The following PDE4D variants were observed in gnomAD, a reference collection of about 807,000 sequenced individuals.
PDE4D encodes the protein phosphodiesterase 4D.
In PDE4D, 24 loss-of-function variants were observed where a neutral mutation model predicts 87.4. The observed-to-expected ratio is 0.27, with a 90% CI of 0.20 to 0.39. The LOEUF (loss-of-function observed/expected upper bound fraction) is 0.39. Ranked by LOEUF, PDE4D falls within the 10% of genes least tolerant of loss-of-function variation. The pLI is 1.00. For synonymous variants in PDE4D, 384 were observed against 383.2 expected (o/e 1.00, Z -0.02); for missense variants, 714 against 1,041.0 (o/e 0.69, Z 4.32).
intron 3 of PDE4D, among the ~76,000 whole-genome samples, chr5:59,940,577 A>C (rs1757072629): frequency 1.3e-5 from 2 of 152,206 alleles, no homozygotes; most frequent in Admixed American, 1.3e-4. Flanking sequence ...TAGATGTTTG[A>C]TGGTATCATT....
intron 1 of PDE4D, among the ~76,000 whole-genome samples, chr5:59,702,512 C>T (rs1232373389): frequency 6.6e-6 from 1 of 152,084 alleles, no homozygotes; most frequent in African/African-American, 2.4e-5. Flanking sequence ...CGTGATCATG[C>T]AACTGCACTC....
intron 1 of PDE4D, among the ~76,000 whole-genome samples, chr5:59,442,848 G>A (rs1220583418): frequency 6.6e-6 from 1 of 152,166 alleles, no homozygotes; most frequent in Non-Finnish European, 1.5e-5. Context: ...CAAGCTAAGA[G>A]TATATCATTT....
chr5:60,241,261 C>T (rs1222243795), intron 1 of PDE4D, among the ~76,000 whole-genome samples: 5 of 139,566 alleles, frequency 3.6e-5, no homozygotes, highest in Non-Finnish European at 7.7e-5. Flanking sequence ...GAGTCTCTCT[C>T]TCTCTCTCTC....
At chr5:60,501,166 A>G (rs1750055952) in intron 1 of PDE4D, among the ~76,000 whole-genome samples, 1 of 151,900 alleles carries the variant, frequency 6.6e-6, no homozygotes, top group Admixed American at 6.6e-5. Flanking sequence ...CCACCCCACA[A>G]CAGTCCCCAG....
chr5:59,162,702 C>A (rs573731456), intron 5 of PDE4D, among the ~76,000 whole-genome samples: 1 of 150,624 alleles, frequency 6.6e-6, no homozygotes, highest in East Asian at 2.0e-4. Flanking sequence ...TAAAAATTAG[C>A]CAGGTATGGT....
intron 5 of PDE4D, among the ~76,000 whole-genome samples, chr5:59,117,809 T>A (rs1287211571): frequency 6.8e-6 from 1 of 148,086 alleles, no homozygotes; most frequent in African/African-American, 2.5e-5. Flanking sequence ...GTTTTTAACT[T>A]TTTTTTTTTT....
At chr5:59,486,982 C>A (rs796102545) in intron 1 of PDE4D, among the ~76,000 whole-genome samples, 1 of 152,156 alleles carries the variant, frequency 6.6e-6, no homozygotes, top group African/African-American at 2.4e-5. Flanking sequence ...AGTTAATAGG[C>A]CTTCTTGTTT....
chr5:59,203,175 C>A (rs1254716431), intron 2 of PDE4D, among the ~76,000 whole-genome samples: 1 of 151,970 alleles, frequency 6.6e-6, no homozygotes, highest in African/African-American at 2.4e-5. Flanking sequence ...GAGACACCTT[C>A]TCTACAAAAA....
chr5:59,320,038 CATAGATGCTAGG>C (rs1774433345), intron 1 of PDE4D, among the ~76,000 whole-genome samples: 1 of 151,606 alleles, frequency 6.6e-6, no homozygotes, highest in Admixed American at 6.6e-5. Flanking sequence ...AGTCCACAGC[CATAGATGCTAGG>C]ATAGTCTTGG....
intron 1 of PDE4D, among the ~76,000 whole-genome samples, chr5:59,269,840 T>C (rs1763492127): frequency 1.3e-5 from 2 of 152,120 alleles, no homozygotes; most frequent in Non-Finnish European, 2.9e-5. Context: ...TATTCATTTA[T>C]ATTAACTTCA....
intron 3 of PDE4D, among the ~76,000 whole-genome samples, chr5:59,973,686 G>C (rs1761019976): frequency 6.6e-6 from 1 of 152,012 alleles, no homozygotes; most frequent in Non-Finnish European, 1.5e-5. Flanking sequence ...AATTAACCTT[G>C]ACATTTCTTC....
intron 2 of PDE4D, among the ~76,000 whole-genome samples, chr5:60,157,974 AG>A (rs762035444): frequency 6.9e-6 from 1 of 144,052 alleles, no homozygotes; most frequent in Non-Finnish European, 1.5e-5. Flanking sequence ...TCTAGCATTG[AG>A]GGTATGCTTG....
At chr5:59,150,943 G>C (rs1002454217) in intron 5 of PDE4D, among the ~76,000 whole-genome samples, 6 of 152,120 alleles carry the variant, frequency 3.9e-5, no homozygotes, top group Non-Finnish European at 8.8e-5. Flanking sequence ...ACTATCTCTA[G>C]AAAACAAAAA....
chr5:59,136,035 A>T (rs1777025906), intron 5 of PDE4D, among the ~76,000 whole-genome samples: 1 of 152,012 alleles, frequency 6.6e-6, no homozygotes, highest in Non-Finnish European at 1.5e-5. Flanking sequence ...GATAAAAAAA[A>T]AAAACCCTAA....
intron 6 of PDE4D, among the ~76,000 whole-genome samples, chr5:59,028,788 A>G (rs1397095046): frequency 6.6e-6 from 1 of 152,192 alleles, no homozygotes; most frequent in African/African-American, 2.4e-5. Context: ...GTTTAAAACA[A>G]TAAATTAGTC....
At chr5:59,011,491 T>C (rs1752798370) in intron 6 of PDE4D, among the ~76,000 whole-genome samples, 2 of 152,090 alleles carry the variant, frequency 1.3e-5, no homozygotes, top group African/African-American at 4.8e-5. Context: ...GAGAACTACA[T>C]GATGCATTCA....
At chr5:59,956,889 T>C (rs16890396) in intron 3 of PDE4D, among the ~76,000 whole-genome samples, 104,432 of 151,960 alleles carry the variant, frequency 0.69, 36,477 homozygotes, top group East Asian at 0.84. Context: ...CCAAAAAGAG[T>C]TTGAAAAAAA....
intron 1 of PDE4D, among the ~76,000 whole-genome samples, chr5:59,450,618 CCTT>C (rs1399929026): frequency 9.2e-5 from 14 of 152,160 alleles, no homozygotes; most frequent in African/African-American, 3.4e-4. Flanking sequence ...CAGCAAACGT[CCTT>C]CTTCTTTCTT....
chr5:59,408,882 C>T (rs761837951), intron 1 of PDE4D, among the ~76,000 whole-genome samples: 18 of 152,250 alleles, frequency 1.2e-4, no homozygotes, highest in Admixed American at 3.9e-4. Context: ...CATGATGGCT[C>T]ATGCCTGTAA....
Sources: gnomAD v4.1 joint callset for allele counts (sites outside exome capture counted in the v4.1 genomes callset) on GRCh38, gnomAD v4.1.1 for gene constraint, MANE v1.5 for transcripts, NCBI Gene and HGNC (gene_info 2026-07-23, HGNC 2026-07-21) for gene names.